Variants in SLC22A15 observed in about 807,000 individuals in gnomAD.
The protein encoded by SLC22A15 is solute carrier family 22 member 15.
SLC22A15 carries 45 observed loss-of-function variants against 62.7 expected under a neutral mutation model. The observed-to-expected ratio is 0.72, with a 90% CI of 0.56 to 0.92. The LOEUF (loss-of-function observed/expected upper bound fraction) is 0.92. Among genes scored for constraint, SLC22A15 ranks in the 40% least tolerant of loss-of-function variants. The probability of loss-of-function intolerance (pLI) is 0.00; values close to 1 mark genes in which losing one functional copy is unlikely to be tolerated. For synonymous variants in SLC22A15, 264 were observed against 267.0 expected, an observed-to-expected ratio of 0.99 and a Z score of 0.11; for missense variants, 622 against 665.6, an observed-to-expected ratio of 0.93 and a Z score of 0.72.
At chr1:115,976,747 C>G in intron 1 of SLC22A15, 33 bp downstream of exon 1, 1 of 1,520,558 alleles carries the variant, frequency 6.6e-7, no homozygotes, top group Non-Finnish European at 8.9e-7. Context: ...CCGCATTTCC[C>G]TCTTCAGGGC....
intron 1 of SLC22A15, among the ~76,000 whole-genome samples, chr1:115,982,700 T>G (rs902974969): frequency 6.6e-6 from 1 of 152,224 alleles, no homozygotes; most frequent in Non-Finnish European, 1.5e-5. Flanking sequence ...AAGCCCAGAC[T>G]TCTCCTGATT....
intron 8 of SLC22A15, among the ~76,000 whole-genome samples, chr1:116,059,953 T>A (rs1368697881): frequency 6.6e-6 from 1 of 152,252 alleles, no homozygotes; most frequent in Non-Finnish European, 1.5e-5. Context: ...GTATTTGAAG[T>A]ATACAAGTGT....
At position 116,067,089 on chromosome 1, in the gene SLC22A15, A is replaced by G. The variant is rs777753068; in HGVS notation, c.1625A>G (p.Glu542Gly). 1 of 1,611,794 alleles carries G rather than the reference A, an allele frequency of 6.2e-7. No homozygotes were observed. Among genetic ancestry groups the G allele is most frequent in the Non-Finnish European group, 8.5e-7 (1 of 1,179,066 alleles). The change falls in exon 12 of 12, where the codon GAG becomes GGG. Residue 542 changes from glutamate to glycine, a missense_variant. Coordinates refer to ENST00000369503, the MANE Select transcript of SLC22A15 (RefSeq NM_018420.3). ...GAAGAATTTTATGATGCAGATGAAG[A>G]GACTCAGATGATCAAGTGAAGAGCC... ...EEEEFYDADE[E>G]TQMIK
chr1:116,062,996 C>A, intron 9 of SLC22A15, 114 bp downstream of exon 9: 1 of 1,347,098 alleles, frequency 7.4e-7, no homozygotes. Context: ...TTTGGGGCAG[C>A]AGTAATTCAG....
At chr1:115,982,004 A>AT (rs1443569863) in intron 1 of SLC22A15, among the ~76,000 whole-genome samples, 11 of 152,244 alleles carry the variant, frequency 7.2e-5, no homozygotes, top group African/African-American at 2.4e-4. Context: ...AAATGGCTGG[A>AT]TCACGAAAGT....
chr1:115,984,614 A>G (rs1654765456), intron 1 of SLC22A15, among the ~76,000 whole-genome samples: 1 of 152,080 alleles, frequency 6.6e-6, no homozygotes, highest in Non-Finnish European at 1.5e-5. Context: ...TACTCCTTCT[A>G]CTTGCAAAAA....
intron 8 of SLC22A15, 127 bp downstream of exon 8, chr1:116,037,515 G>A (rs1044675855): frequency 1.7e-5 from 12 of 713,136 alleles, no homozygotes; most frequent in Middle Eastern, 2.5e-4. Context: ...GCAATTGTGT[G>A]GGATATAATG....
At position 115,992,217 on chromosome 1, in the gene SLC22A15, A is replaced by G; in HGVS notation, c.274A>G (p.Ser92Gly). 1 of 1,600,096 alleles carries G rather than the reference A, an allele frequency of 6.2e-7. No homozygotes were observed. The highest frequency in any genetic ancestry group is 8.5e-7 in the Non-Finnish European group (1 of 1,173,070). The change falls in exon 2 of 12, where the codon AGC (serine) becomes GGC (glycine). Residue 92 changes from serine (S) to glycine (G), a missense_variant. Coordinates refer to ENST00000369503, the MANE Select transcript of SLC22A15 (RefSeq NM_018420.3). ...GATCCATAAGCACGTGCATTTCAGC[A>G]GCAGCTTCACCTCCATCGCCTCGGA... ...SEIHKHVHFS[S>G]SFTSIASEWF...
At chr1:115,999,994 CTT>C (rs1235713322) in intron 2 of SLC22A15, among the ~76,000 whole-genome samples, 3 of 151,924 alleles carry the variant, frequency 2.0e-5, no homozygotes, top group Non-Finnish European at 4.4e-5. Flanking sequence ...CTATGTGTAT[CTT>C]TATAGGTGAA....
chr1:116,011,038 C>A (rs114379986), intron 2 of SLC22A15, among the ~76,000 whole-genome samples: 6 of 152,136 alleles, frequency 3.9e-5, no homozygotes, highest in Non-Finnish European at 8.8e-5. Flanking sequence ...TCATGTGGTG[C>A]GTCCTCCTTT....
At chr1:116,018,318 T>C (rs1384501316) in intron 2 of SLC22A15, among the ~76,000 whole-genome samples, 2 of 152,182 alleles carry the variant, frequency 1.3e-5, no homozygotes, top group Non-Finnish European at 2.9e-5. Flanking sequence ...TCTTCAGAGT[T>C]TAGGTTGTAG....
At position 115,976,709 on chromosome 1, in the gene SLC22A15, C is replaced by T; in HGVS notation, c.82C>T (p.Leu28=). ...CTTGTGCTTCCTGCTGGCCGTGCTGCTGCAGGTAAGTCCCCGCGGCCCCGC... is the reference window on the plus strand; with the variant it reads ...CTTGTGCTTCCTGCTGGCCGTGCTGTTGCAGGTAAGTCCCCGCGGCCCCGC... ...MYLCFLLAVL[L]QLYVATEAIL... is the part of the protein sequence containing the mutation. Residue 28 remains leucine (L), a synonymous_variant, in exon 1 of 12, where the codon CTG becomes TTG. Transcript: ENST00000369503. 6.3e-7 allele frequency: 1 copy of T among 1,581,934 alleles called. No homozygotes were observed. The highest frequency in any genetic ancestry group is 8.6e-7 in the Non-Finnish European group (1 of 1,165,874).
intron 2 of SLC22A15, chr1:116,015,343 C>T (rs1355652049): frequency 6.6e-6 from 1 of 152,174 alleles, no homozygotes; most frequent in Non-Finnish European, 1.5e-5. Context: ...ATGAGCTCAA[C>T]TAGCATTGAC....
chr1:116,012,074 TTTTC>T (rs1403598677), intron 2 of SLC22A15, among the ~76,000 whole-genome samples: 4 of 152,178 alleles, frequency 2.6e-5, no homozygotes, highest in African/African-American at 9.7e-5. Flanking sequence ...TAAATGATTT[TTTTC>T]TTTACCATTC....
intron 8 of SLC22A15, among the ~76,000 whole-genome samples, chr1:116,050,233 A>T (rs1658015486): frequency 6.6e-6 from 1 of 152,192 alleles, no homozygotes; most frequent in Admixed American, 6.5e-5. Context: ...AACCTTCCCT[A>T]ACTCATTCTA....
intron 6 of SLC22A15, among the ~76,000 whole-genome samples, chr1:116,034,269 T>G (rs760468018): frequency 6.6e-6 from 1 of 152,212 alleles, no homozygotes; most frequent in African/African-American, 2.4e-5. Flanking sequence ...GGTTTTATTT[T>G]TGTTCATTCT....
chr1:116,056,652 A>G (rs1305519436), intron 8 of SLC22A15, among the ~76,000 whole-genome samples: 15 of 151,930 alleles, frequency 9.9e-5, no homozygotes, highest in Non-Finnish European at 1.8e-4. Context: ...CTGACTTCAA[A>G]CTATACTACA....
chr1:115,993,424 T>TGA lies in SLC22A15; in HGVS notation c.300+1185_300+1186dup, dbSNP rs768827877. Among the ~76,000 whole-genome samples, 31 of 131,924 alleles carry TGA rather than the reference T, an allele frequency of 2.3e-4. No individual in the cohort carries two copies. The East Asian group carries it at 3.0e-3, about 13-fold the overall frequency. 86.5% of individuals were successfully genotyped at this position (131,924 alleles called of 152,430 possible). On this transcript the variant is annotated intron_variant, in intron 2 of 11. Coordinates refer to ENST00000369503, the MANE Select transcript of SLC22A15 (RefSeq NM_018420.3). ...CCACTCTCCTGTGTGTGTGAGTGTG[T>TGA]GAGAGTGTGTGTGTGTGTGTGTGTG...
chr1:116,014,675 C>T (rs535850412), intron 2 of SLC22A15, among the ~76,000 whole-genome samples: 8 of 152,232 alleles, frequency 5.3e-5, no homozygotes, highest in East Asian at 3.9e-4. Flanking sequence ...AAAGATAATA[C>T]GAAATTCATC....
Sources: gnomAD v4.1 joint callset for allele counts (sites outside exome capture counted in the v4.1 genomes callset) on GRCh38, gnomAD v4.1.1 for gene constraint, MANE v1.5 for transcripts, NCBI Gene and HGNC (gene_info 2026-07-23, HGNC 2026-07-21) for gene names.